The following DCC variants were observed in gnomAD, a reference collection of about 807,000 sequenced individuals.
DCC encodes DCC netrin 1 receptor.
A neutral mutation model predicts 172.5 loss-of-function variants in DCC; 58 were observed. That is an observed-to-expected ratio of 0.34 (90% CI 0.27 to 0.42). The LOEUF (loss-of-function observed/expected upper bound fraction) is 0.42, where lower values mean the gene tolerates loss of function less well. DCC is among the 10% of genes least tolerant of loss of function. The probability of loss-of-function intolerance (pLI) is 1.00; values close to 1 mark genes in which losing one functional copy is unlikely to be tolerated. For synonymous variants in DCC, 709 were observed against 644.5 expected (o/e 1.10, Z -1.52); for missense variants, 1,740 against 1,791.0 (o/e 0.97, Z 0.51).
chr18:52,551,406 A>G (rs1347536743), intron 1 of DCC, among the ~76,000 whole-genome samples: 3 of 152,066 alleles, frequency 2.0e-5, no homozygotes, highest in Non-Finnish European at 4.4e-5. Flanking sequence ...GGAGAAAAAT[A>G]AAGAAAACCT....
In DCC at chr18:52,905,908, G is replaced by T. The variant is rs2039875234; in HGVS notation, c.413-136G>T. ...GACAGAAAATGTGGTAAAGTGTGAAGAGCAAATGAGACGATATTTGAGAAA... is the reference window on the plus strand; with the variant it reads ...GACAGAAAATGTGGTAAAGTGTGAATAGCAAATGAGACGATATTTGAGAAA... On this transcript the variant is annotated intron_variant, in intron 2 of 28. Coordinates refer to ENST00000442544, the MANE Select transcript of DCC (RefSeq NM_005215.4). The T allele has an allele frequency of 2.2e-5, 16 of 723,058 alleles. No individual in the cohort carries two copies. In the South Asian group the frequency reaches 2.5e-4, roughly 11 times the overall value. 44.8% of individuals were successfully genotyped at this position (723,058 alleles called of 1,614,324 possible).
rs374856486 is a variant in DCC, at chr18:53,386,137, C to T, written c.2454C>T (p.Thr818=). The change falls in exon 16 of 29, where the codon ACC becomes ACT. Residue 818 remains threonine, a splice_region_variant and synonymous_variant. Coordinates refer to ENST00000442544, the MANE Select transcript of DCC (RefSeq NM_005215.4). ...LYESATTRSI[T]DPTDPVDYYP... is the part of the protein sequence containing the mutation. ...AAAGTGCCACCACCAGGTCTATAAC[C>T]GGTAAGTGAAATTGTTAATCTTCCT... 137 of 1,586,760 alleles carry T rather than the reference C, an allele frequency of 8.6e-5. 1 individual carries two copies. Among genetic ancestry groups the T allele is most frequent in the South Asian group, 1.9e-4 (17 of 90,502 alleles).
intron 1 of DCC, among the ~76,000 whole-genome samples, chr18:52,643,005 A>C (rs1489668927): frequency 6.6e-6 from 1 of 152,238 alleles, no homozygotes; most frequent in Non-Finnish European, 1.5e-5. Flanking sequence ...CTTTGAGGAA[A>C]GTTAGATTGT....
intron 1 of DCC, among the ~76,000 whole-genome samples, chr18:52,344,984 T>A (rs1027776038): frequency 6.6e-6 from 1 of 152,210 alleles, no homozygotes; most frequent in African/African-American, 2.4e-5. Context: ...ACTTGCAATT[T>A]CCCTAGAGAA....
At chr18:53,053,788 A>T (rs997113210) in intron 5 of DCC, among the ~76,000 whole-genome samples, 2 of 152,164 alleles carry the variant, frequency 1.3e-5, no homozygotes, top group Non-Finnish European at 2.9e-5. Flanking sequence ...TATTTGTGGC[A>T]TCAAACAACA....
At chr18:53,322,279 A>G in intron 14 of DCC, 122 bp downstream of exon 14, 1 of 701,448 alleles carries the variant, frequency 1.4e-6, no homozygotes, top group Non-Finnish European at 2.6e-6. Flanking sequence ...ATATGTTCAC[A>G]TGCAAAACAC....
intron 12 of DCC, among the ~76,000 whole-genome samples, chr18:53,277,835 C>A (rs578024708): frequency 9.5e-4 from 144 of 152,264 alleles, no homozygotes; most frequent in African/African-American, 3.3e-3. Flanking sequence ...AAATCACCAA[C>A]TATGATGAGA....
chr18:53,094,979 T>A (rs1414408088), intron 7 of DCC, among the ~76,000 whole-genome samples: 1 of 152,200 alleles, frequency 6.6e-6, no homozygotes, highest in Non-Finnish European at 1.5e-5. Flanking sequence ...TTATCATTTA[T>A]GATTATGTCT....
chr18:53,100,829 T>A (rs2043161742), intron 7 of DCC, among the ~76,000 whole-genome samples: 1 of 151,634 alleles, frequency 6.6e-6, no homozygotes, highest in Non-Finnish European at 1.5e-5. Flanking sequence ...GCAAAAAAAA[T>A]GGGCAGAGGA....
intron 1 of DCC, among the ~76,000 whole-genome samples, chr18:52,403,303 T>C (rs1986510262): frequency 6.6e-6 from 1 of 152,034 alleles, no homozygotes; most frequent in East Asian, 1.9e-4. Context: ...CTGGTCTCCC[T>C]ATAAGGGAAG....
intron 5 of DCC, among the ~76,000 whole-genome samples, chr18:52,979,174 A>G (rs187986916): frequency 2.6e-5 from 4 of 152,162 alleles, no homozygotes; most frequent in Admixed American, 2.6e-4. Context: ...GAACACACTT[A>G]TAGTCTGTTA....
chr18:53,395,091 A>G (rs901521434), intron 17 of DCC, among the ~76,000 whole-genome samples: 3 of 151,548 alleles, frequency 2.0e-5, no homozygotes, highest in Non-Finnish European at 4.4e-5. Context: ...CTGAGGTTGC[A>G]GCGAGCCAAG....
chr18:52,366,408 C>G (rs1272436705), intron 1 of DCC, among the ~76,000 whole-genome samples: 1 of 152,154 alleles, frequency 6.6e-6, no homozygotes, highest in Non-Finnish European at 1.5e-5. Flanking sequence ...TTTTTATTCT[C>G]TTATCTGGCC....
chr18:53,074,299 C>A (rs1278429776), intron 7 of DCC, among the ~76,000 whole-genome samples: 1 of 152,126 alleles, frequency 6.6e-6, no homozygotes, highest in Admixed American at 6.6e-5. Flanking sequence ...GTAAATGGGT[C>A]CTTATAGTTT....
chr18:52,439,848 A>G (rs1382445297), intron 1 of DCC, among the ~76,000 whole-genome samples: 1 of 152,242 alleles, frequency 6.6e-6, no homozygotes, highest in African/African-American at 2.4e-5. Context: ...GCCTGTATCA[A>G]AGTATCTTAT....
At chr18:52,471,430 A>T (rs939944634) in intron 1 of DCC, among the ~76,000 whole-genome samples, 4 of 152,252 alleles carry the variant, frequency 2.6e-5, no homozygotes, top group African/African-American at 9.6e-5. Context: ...TTGTATCATT[A>T]TGGAGGGTTA....
intron 1 of DCC, among the ~76,000 whole-genome samples, chr18:52,409,592 A>C (rs1446728673): frequency 2.0e-5 from 3 of 152,134 alleles, no homozygotes; most frequent in Non-Finnish European, 4.4e-5. Context: ...TTGCTGGGTG[A>C]CCTTTACAAA....
At chr18:53,222,615 T>C (rs1326133887) in intron 12 of DCC, among the ~76,000 whole-genome samples, 1 of 152,008 alleles carries the variant, frequency 6.6e-6, no homozygotes, top group Non-Finnish European at 1.5e-5. Flanking sequence ...CTTGAATTCC[T>C]GACCTCGTGA....
intron 1 of DCC, among the ~76,000 whole-genome samples, 179 bp from the exon 2 acceptor site, chr18:52,751,875 C>A (rs562429633): frequency 6.6e-6 from 1 of 151,716 alleles, no homozygotes; most frequent in South Asian, 2.1e-4. Flanking sequence ...ATGATTACCT[C>A]GACTGGGTAC....
Sources: gnomAD v4.1 joint callset for allele counts (sites outside exome capture counted in the v4.1 genomes callset) on GRCh38, gnomAD v4.1.1 for gene constraint, MANE v1.5 for transcripts, NCBI Gene and HGNC (gene_info 2026-07-23, HGNC 2026-07-21) for gene names.